SLC4A10: variants seen among roughly 807,000 people sequenced by gnomAD.
SLC4A10 encodes solute carrier family 4 member 10.
In SLC4A10, 42 loss-of-function variants were observed where a neutral mutation model predicts 137.7. The observed-to-expected ratio is 0.30, with a 90% CI of 0.24 to 0.39. The LOEUF is 0.39. Among genes scored for constraint, SLC4A10 ranks in the 10% least tolerant of loss-of-function variants. The pLI is 1.00. For missense variants in SLC4A10, 925 were observed against 1,355.0 expected (o/e 0.68, Z 4.98); for synonymous variants, 474 against 464.1 (o/e 1.02, Z -0.27).
intron 1 of SLC4A10, among the ~76,000 whole-genome samples, chr2:161,694,760 A>T (rs367853069): frequency 6.6e-6 from 1 of 152,110 alleles, no homozygotes; most frequent in African/African-American, 2.4e-5. Flanking sequence ...GGTAACCATC[A>T]GTCAACAGAA....
In SLC4A10 at chr2:161,884,284, G is replaced by A. The variant is rs143637636; in HGVS notation, c.1194+1840G>A. Among the ~76,000 whole-genome samples the A allele has an allele frequency of 4.4e-3, 666 of 152,256 alleles. 6 individuals are homozygous for A. The highest frequency in any genetic ancestry group is 7.8e-3 in the Non-Finnish European group (530 of 68,026). Reference sequence around the variant, plus strand: ...ATTAGGGCAATATTTTAAGATATCTGTGGGGCATGAGACACGTGATAATGT... The same window carrying A: ...ATTAGGGCAATATTTTAAGATATCTATGGGGCATGAGACACGTGATAATGT... On this transcript the variant is annotated intron_variant, in intron 10 of 26. Coordinates refer to ENST00000446997, the MANE Select transcript of SLC4A10 (RefSeq NM_001178015.2).
intron 15 of SLC4A10, among the ~76,000 whole-genome samples, chr2:161,914,411 G>A (rs1686602725): frequency 6.6e-6 from 1 of 152,034 alleles, no homozygotes; most frequent in Non-Finnish European, 1.5e-5. Context: ...TTATGAGAAG[G>A]GTCACGAAAC....
chr2:161,719,231 A>T (rs1306570965), intron 1 of SLC4A10, among the ~76,000 whole-genome samples: 1 of 151,972 alleles, frequency 6.6e-6, no homozygotes, highest in Non-Finnish European at 1.5e-5. Context: ...AAGGACATGA[A>T]CTCATCATTT....
At chr2:161,777,749 A>G (rs2052535969) in intron 2 of SLC4A10, among the ~76,000 whole-genome samples, 1 of 151,966 alleles carries the variant, frequency 6.6e-6, no homozygotes, top group Admixed American at 6.6e-5. Context: ...GTCATCTTCC[A>G]CTGGGTTCCT....
At chr2:161,791,233 T>C (rs1020799796) in intron 2 of SLC4A10, among the ~76,000 whole-genome samples, 2 of 152,134 alleles carry the variant, frequency 1.3e-5, no homozygotes, top group African/African-American at 2.4e-5. Context: ...CCATCAGTGA[T>C]AGACTGGATA....
At chr2:161,844,487 C>T (rs767007581) in intron 4 of SLC4A10, among the ~76,000 whole-genome samples, 50 of 152,186 alleles carry the variant, frequency 3.3e-4, no homozygotes, top group Non-Finnish European at 6.0e-4. Context: ...CCCAACTATC[C>T]TAAAAGAGGA....
intron 1 of SLC4A10, among the ~76,000 whole-genome samples, chr2:161,660,680 G>A (rs558383460): frequency 1.6e-4 from 18 of 113,200 alleles, no homozygotes; most frequent in Non-Finnish European, 2.3e-4. Context: ...TTGAGACAGC[G>A]TCTTGCTCTG....
At chr2:161,961,731 C>G (rs1354663425) in intron 21 of SLC4A10, among the ~76,000 whole-genome samples, 1 of 152,008 alleles carries the variant, frequency 6.6e-6, no homozygotes, top group African/African-American at 2.4e-5. Flanking sequence ...TGATTTTATA[C>G]TCATGAGATT....
At chr2:161,858,755 G>A (rs2060240751) in intron 5 of SLC4A10, among the ~76,000 whole-genome samples, 1 of 152,068 alleles carries the variant, frequency 6.6e-6, no homozygotes. Flanking sequence ...TGAGAGTTAG[G>A]AAGAAATTAA....
intron 11 of SLC4A10, among the ~76,000 whole-genome samples, chr2:161,895,226 C>G (rs1216400430): frequency 1.3e-5 from 2 of 152,024 alleles, no homozygotes; most frequent in Non-Finnish European, 2.9e-5. Context: ...ATCCATGTCC[C>G]TACAAAGGAT....
chr2:161,673,159 C>T (rs551921598), intron 1 of SLC4A10, among the ~76,000 whole-genome samples: 1 of 152,336 alleles, frequency 6.6e-6, no homozygotes, highest in African/African-American at 2.4e-5. Context: ...ACAGAATTCA[C>T]TACAACATTC....
At chr2:161,819,630 G>A (rs1411841958) in intron 3 of SLC4A10, among the ~76,000 whole-genome samples, 1 of 151,962 alleles carries the variant, frequency 6.6e-6, no homozygotes, top group Admixed American at 6.6e-5. Flanking sequence ...GAGTAGCTGG[G>A]ATTACAGGCA....
At chr2:161,867,683 G>A (rs1001313333) in intron 6 of SLC4A10, among the ~76,000 whole-genome samples, 10 of 151,846 alleles carry the variant, frequency 6.6e-5, no homozygotes, top group Non-Finnish European at 1.5e-4. Flanking sequence ...ATTTTTCTCC[G>A]AGTTTAATTG....
At chr2:161,978,553 T>C (rs1699768125) in intron 26 of SLC4A10, among the ~76,000 whole-genome samples, 1 of 152,130 alleles carries the variant, frequency 6.6e-6, no homozygotes, top group Admixed American at 6.6e-5. Context: ...ACATTAGACT[T>C]AGAGAATATA....
intron 1 of SLC4A10, among the ~76,000 whole-genome samples, chr2:161,685,631 CAAACAAAAA>C (rs1268765124): frequency 2.7e-5 from 4 of 145,904 alleles, no homozygotes; most frequent in African/African-American, 1.0e-4. Context: ...AACAAACAAA[CAAACAAAAA>C]AAAAAACAAA....
intron 26 of SLC4A10, 54 bp downstream of exon 26, chr2:161,977,814 G>T: frequency 1.3e-6 from 2 of 1,517,016 alleles, no homozygotes; most frequent in South Asian, 2.7e-5. Flanking sequence ...TATGTTAAAT[G>T]GTGTCTTCTA....
At chr2:161,918,839 T>A (rs1265193281) in intron 15 of SLC4A10, among the ~76,000 whole-genome samples, 2 of 152,142 alleles carry the variant, frequency 1.3e-5, no homozygotes, top group Non-Finnish European at 2.9e-5. Flanking sequence ...CTGCATGCTC[T>A]GTGGAGCAGG....
At position 161,952,775 on chromosome 2, in the gene SLC4A10, A is replaced by T. The variant is rs114768389; in HGVS notation, c.2541+1927A>T. On this transcript the variant is annotated intron_variant, in intron 19 of 26. Coordinates refer to ENST00000446997, the MANE Select transcript of SLC4A10 (RefSeq NM_001178015.2). ...TCTACATTGAACCCCTATTGGGCCT[A>T]TAACTCTTGTCTCCTATAAGCTTCT... Among the ~76,000 whole-genome samples the T allele has an allele frequency of 8.4e-3, 1,281 of 152,310 alleles. 6 individuals are homozygous for T. The highest frequency in any genetic ancestry group is 0.014 in the Middle Eastern group (4 of 294).
chr2:161,697,882 A>G (rs1018867100), intron 1 of SLC4A10, among the ~76,000 whole-genome samples: 1 of 152,218 alleles, frequency 6.6e-6, no homozygotes, highest in African/African-American at 2.4e-5. Flanking sequence ...CATTAAATCT[A>G]TAAATTACCT....
Sources: allele counts gnomAD v4.1 joint callset (sites outside exome capture counted in the v4.1 genomes callset), GRCh38; gene constraint gnomAD v4.1.1; transcripts MANE v1.5; gene names NCBI Gene and HGNC (gene_info 2026-07-23, HGNC 2026-07-21).